Variants in CALCRL observed in about 807,000 individuals in gnomAD.
CALCRL encodes the protein calcitonin gene-related peptide type 1 receptor.
CALCRL carries 27 observed loss-of-function variants against 60.4 expected under a neutral mutation model. That is an observed-to-expected ratio of 0.45 (90% CI 0.33 to 0.62). CALCRL has a LOEUF of 0.62. CALCRL is among the 20% of genes least tolerant of loss of function. The pLI is 0.03. For synonymous variants in CALCRL, 190 were observed against 182.6 expected, an observed-to-expected ratio of 1.04 and a Z score of -0.33; for missense variants, 424 against 540.7, an observed-to-expected ratio of 0.78 and a Z score of 2.14.
intron 1 of CALCRL, among the ~76,000 whole-genome samples, chr2:187,422,399 C>T (rs2105875484): frequency 6.6e-6 from 1 of 152,210 alleles, no homozygotes; most frequent in South Asian, 2.1e-4. Flanking sequence ...TTTCTGAATT[C>T]ATTTCCATTT....
In CALCRL at chr2:187,409,823, G is replaced by A. The variant is rs553593385; in HGVS notation, c.-292-22067C>T. Reference sequence around the variant, plus strand: ...CTGAAATTTGAGTCCTCATCGACTAGGGAAAGACTGGAGGTGGGACAAGGA... The same window carrying A: ...CTGAAATTTGAGTCCTCATCGACTAAGGAAAGACTGGAGGTGGGACAAGGA... On this transcript the variant is annotated intron_variant, in intron 1 of 14. Transcript: ENST00000392370. Among the ~76,000 whole-genome samples, 7 of 152,288 alleles carry A rather than the reference G, an allele frequency of 4.6e-5. No homozygotes were observed. The East Asian group carries it at 1.2e-3, about 25-fold the overall frequency.
chr2:187,392,745 C>A (rs1055039742), intron 1 of CALCRL, among the ~76,000 whole-genome samples: 6 of 151,984 alleles, frequency 3.9e-5, no homozygotes, highest in Admixed American at 6.6e-5. Context: ...GTCACTCTGC[C>A]CCAGCTGAAG....
At chr2:187,376,873 C>T (rs906734046) in intron 8 of CALCRL, among the ~76,000 whole-genome samples, 2 of 152,004 alleles carry the variant, frequency 1.3e-5, no homozygotes, top group African/African-American at 2.4e-5. Flanking sequence ...TAAAAAGAGA[C>T]CATTTAATCT....
At chr2:187,353,234 TC>T (rs1226174244) in intron 12 of CALCRL, among the ~76,000 whole-genome samples, 1 of 151,972 alleles carries the variant, frequency 6.6e-6, no homozygotes, top group Non-Finnish European at 1.5e-5. Context: ...CTATGCCCAT[TC>T]CTTATGCCTT....
chr2:187,384,201 A>G (rs1350601324), intron 4 of CALCRL, among the ~76,000 whole-genome samples: 6 of 152,212 alleles, frequency 3.9e-5, no homozygotes, highest in African/African-American at 1.4e-4. Flanking sequence ...TGTGACCACC[A>G]TTTAACAATA....
intron 1 of CALCRL, among the ~76,000 whole-genome samples, chr2:187,411,411 T>G (rs1689351918): frequency 6.6e-6 from 1 of 152,104 alleles, no homozygotes; most frequent in Non-Finnish European, 1.5e-5. Context: ...GCTATAGTTG[T>G]TTAGTCAAGC....
chr2:187,397,853 A>G lies in CALCRL; in HGVS notation c.-292-10097T>C, dbSNP rs56803089. Among the ~76,000 whole-genome samples the G allele has an allele frequency of 3.0e-3, 454 of 151,802 alleles. 5 individuals carry two copies. Among genetic ancestry groups the G allele is most frequent in the African/African-American group, 0.01 (420 of 41,502 alleles). On this transcript the variant is annotated intron_variant, in intron 1 of 14. Transcript: ENST00000392370. ...ATTGGTTATAATAGCCTTTCCTAAC[A>G]CTGTACTGGAACAACAAAAGAAAAC...
Position 187,380,702 on chromosome 2 carries a change from A to G in CALCRL, c.270T>C (p.Asp90=). 6.2e-7 allele frequency: 1 copy of G among 1,613,694 alleles called. No individual in the cohort carries two copies. Among genetic ancestry groups the G allele is most frequent in the Non-Finnish European group, 8.5e-7 (1 of 1,179,606 alleles). ...CTGATGGATCAAAGTCCTGAAAGTAATCAGGGCAGAGCTGCATTGATTCAG... is the reference window on the plus strand; with the variant it reads ...CTGATGGATCAAAGTCCTGAAAGTAGTCAGGGCAGAGCTGCATTGATTCAG... ...AGTESMQLCP[D]YFQDFDPSEK... Residue 90 remains aspartate, a synonymous_variant, in exon 6 of 15, where the codon GAT becomes GAC. Coordinates refer to ENST00000392370, the MANE Select transcript of CALCRL (RefSeq NM_005795.6).
chr2:187,357,669 C>A (rs1385656620), intron 12 of CALCRL, among the ~76,000 whole-genome samples: 1 of 148,368 alleles, frequency 6.7e-6, no homozygotes, highest in African/African-American at 2.5e-5. Context: ...GGGGGAGGGA[C>A]AGCATTGGGA....
intron 1 of CALCRL, among the ~76,000 whole-genome samples, chr2:187,446,012 TGTAAGA>T (rs572185039): frequency 1.4e-3 from 220 of 151,746 alleles, no homozygotes; most frequent in African/African-American, 5.2e-3. Context: ...TGCTTTGGTA[TGTAAGA>T]TAGAAAAAAA....
intron 8 of CALCRL, among the ~76,000 whole-genome samples, chr2:187,375,831 C>T (rs1275680737): frequency 6.6e-6 from 1 of 151,974 alleles, no homozygotes; most frequent in Non-Finnish European, 1.5e-5. Flanking sequence ...AAATTTTAAC[C>T]CTTCAATTAA....
intron 1 of CALCRL, among the ~76,000 whole-genome samples, chr2:187,399,058 G>A (rs1688772900): frequency 6.6e-6 from 1 of 151,604 alleles, no homozygotes; most frequent in African/African-American, 2.4e-5. Context: ...TTCTGATTGT[G>A]ATTGAATGCC....
chr2:187,434,462 G>C (rs1690544013), intron 1 of CALCRL, among the ~76,000 whole-genome samples: 2 of 152,076 alleles, frequency 1.3e-5, no homozygotes, highest in African/African-American at 4.8e-5. Flanking sequence ...CAGCAGACTA[G>C]CAACAATTAA....
At chr2:187,437,994 TC>T (rs1411189708) in intron 1 of CALCRL, among the ~76,000 whole-genome samples, 1 of 152,148 alleles carries the variant, frequency 6.6e-6, no homozygotes, top group African/African-American at 2.4e-5. Context: ...TCAGTATTTT[TC>T]TCAAAGTAAA....
intron 8 of CALCRL, among the ~76,000 whole-genome samples, chr2:187,375,520 T>C (rs1267879534): frequency 1.3e-5 from 2 of 152,196 alleles, no homozygotes; most frequent in Admixed American, 6.5e-5. Context: ...TAACAAAGTG[T>C]TGCCAATGTA....
At chr2:187,363,343 C>T in intron 9 of CALCRL, 33 bp downstream of exon 9, 1 of 1,594,298 alleles carries the variant, frequency 6.3e-7, no homozygotes, top group Non-Finnish European at 8.5e-7. Flanking sequence ...CCATTAGGCC[C>T]TTGAACCAAG....
chr2:187,401,225 G>T (rs1688875357), intron 1 of CALCRL, among the ~76,000 whole-genome samples: 1 of 151,566 alleles, frequency 6.6e-6, no homozygotes, highest in African/African-American at 2.4e-5. Flanking sequence ...TCTAAGGAAA[G>T]ACTTAATGCT....
chr2:187,410,865 G>A (rs1179145409), intron 1 of CALCRL, among the ~76,000 whole-genome samples: 5 of 151,616 alleles, frequency 3.3e-5, no homozygotes, highest in Non-Finnish European at 5.9e-5. Flanking sequence ...GAGGCTCAAA[G>A]TGTGTGTGTG....
At chr2:187,443,805 C>G (rs898410745) in intron 1 of CALCRL, among the ~76,000 whole-genome samples, 1 of 151,488 alleles carries the variant, frequency 6.6e-6, no homozygotes, top group Non-Finnish European at 1.5e-5. Context: ...TGATACTTAC[C>G]AAAGTTTCTA....
Sources: allele counts gnomAD v4.1 joint callset (sites outside exome capture counted in the v4.1 genomes callset), GRCh38; gene constraint gnomAD v4.1.1; transcripts MANE v1.5; gene names NCBI Gene and HGNC (gene_info 2026-07-23, HGNC 2026-07-21).